MLC1: variants seen among roughly 807,000 people sequenced by gnomAD.
MLC1 encodes the protein membrane protein MLC1.
Under a neutral mutation model 44.7 loss-of-function variants are expected in MLC1, and 32 were observed. That is an observed-to-expected ratio of 0.72 (90% CI 0.54 to 0.96). The LOEUF is 0.96. Ranked by LOEUF, MLC1 falls within the 40% of genes least tolerant of loss-of-function variation. The pLI is 0.00. For synonymous variants in MLC1, 190 were observed against 213.0 expected (o/e 0.89, Z 0.94); for missense variants, 459 against 492.2 (o/e 0.93, Z 0.64).
At chr22:50,061,816 G>A (rs1303019980) in intron 11 of MLC1, among the ~76,000 whole-genome samples, 159 bp from the exon 12 acceptor site, 1 of 152,114 alleles carries the variant, frequency 6.6e-6, no homozygotes, top group Non-Finnish European at 1.5e-5. Context: ...TCTGTGGAAA[G>A]AGATAAAAGC....
At chr22:50,063,887 AGG>A in intron 11 of MLC1, 145 bp downstream of exon 11, 1 of 605,930 alleles carries the variant, frequency 1.7e-6, no homozygotes, top group Non-Finnish European at 2.3e-6. Flanking sequence ...CTCCCCCTGC[AGG>A]CCACTCACCT....
chr22:50,079,080 A>G, intron 5 of MLC1, among the ~76,000 whole-genome samples: 1 of 151,654 alleles, frequency 6.6e-6, no homozygotes, highest in East Asian at 1.9e-4. Flanking sequence ...GGTCAGGAGT[A>G]CAAGGCCAGC....
chr22:50,064,221 G>A lies in MLC1; in HGVS notation c.895-23C>T, dbSNP rs11568184. 230,332 of 1,574,750 alleles carry A rather than the reference G, an allele frequency of 0.15. 17,706 individuals are homozygous for A. Among genetic ancestry groups the A allele is most frequent in the South Asian group, 0.22 (19,247 of 88,034 alleles). ...TGGCTGCAGGCGGAAGGAGGTGTGA[G>A]CAGAGTGGCCCAGCCGCCCTCCAGC... On this transcript the variant is annotated intron_variant, in intron 10 of 11. Coordinates refer to ENST00000311597, the MANE Select transcript of MLC1 (RefSeq NM_015166.4).
intron 9 of MLC1, among the ~76,000 whole-genome samples, chr22:50,069,447 C>G (rs1466494984): frequency 1.3e-5 from 2 of 151,916 alleles, no homozygotes; most frequent in Non-Finnish European, 2.9e-5. Flanking sequence ...GAGTTCGAGA[C>G]CAGCCTGGCC....
chr22:50,077,503 C>A lies in MLC1; in HGVS notation c.424-1G>T. 1 of 1,612,746 alleles carries A rather than the reference C, an allele frequency of 6.2e-7. No individual in the cohort carries two copies. The highest frequency in any genetic ancestry group is 8.5e-7 in the Non-Finnish European group (1 of 1,179,446). The stretch of plus-strand genomic sequence containing the variant: ...GCAGCAGGATGAGGTTGAAGTTGAT[C>A]TGCCAAGGGGCACACACGCTTCAGC... On this transcript the variant is annotated splice_acceptor_variant, in intron 5 of 11. Coordinates refer to ENST00000311597, the MANE Select transcript of MLC1 (RefSeq NM_015166.4). LOFTEE classifies it high-confidence loss of function.
chr22:50,063,226 G>A (rs1166790067), intron 11 of MLC1, among the ~76,000 whole-genome samples: 1 of 152,112 alleles, frequency 6.6e-6, no homozygotes, highest in African/African-American at 2.4e-5. Context: ...TGTAATTCCA[G>A]CACTTTGGGA....
At chr22:50,080,208 TG>T in intron 4 of MLC1, 135 bp downstream of exon 4, 2 of 1,229,880 alleles carry the variant, frequency 1.6e-6, no homozygotes, top group Non-Finnish European at 2.3e-6. Flanking sequence ...CTTTACTGTC[TG>T]GGGGGCAACC....
At chr22:50,069,310 G>C (rs4311156) in intron 9 of MLC1, among the ~76,000 whole-genome samples, 18,561 of 152,086 alleles carry the variant, frequency 0.12, 1,270 homozygotes, top group South Asian at 0.23. Flanking sequence ...ACAGGCATGA[G>C]CAGCCTGCCT....
At position 50,083,119 on chromosome 22, in the gene MLC1, C is replaced by G; in HGVS notation, c.232G>C (p.Ala78Pro). 1 of 1,614,146 alleles carries G rather than the reference C, an allele frequency of 6.2e-7. No homozygotes were observed. The highest frequency in any genetic ancestry group is 8.5e-7 in the Non-Finnish European group (1 of 1,180,026). ...FSLYLGNVFP[A>P]EMDYLRCAAG... ...GCACAGCGCAAGTAATCCATCTCAG[C>G]CGGGAACACGTTCCCCAGGTACAGC... is the stretch of plus-strand genomic sequence containing the variant. The change falls in exon 3 of 12, where the codon GCT (alanine) becomes CCT (proline). Residue 78 changes from alanine to proline, a missense_variant. Physicochemically the swap from Ala to Pro is conservative, Grantham distance 27. Transcript: ENST00000311597. This position sits in a 1 kb window ranked among gnomAD's most constrained non-coding sequence, Gnocchi z 4.6.
intron 5 of MLC1, among the ~76,000 whole-genome samples, chr22:50,079,500 CTTTT>C (rs55760839): frequency 6.6e-5 from 5 of 75,820 alleles, no homozygotes; most frequent in South Asian, 5.2e-4. Flanking sequence ...GGATTTTTGT[CTTTT>C]TTTTTTTTTT....
At chr22:50,077,779 C>T (rs1451815020) in intron 5 of MLC1, among the ~76,000 whole-genome samples, 1 of 152,200 alleles carries the variant, frequency 6.6e-6, no homozygotes, top group African/African-American at 2.4e-5. Context: ...GGTCTACCGA[C>T]CCCATTCTGA....
At chr22:50,076,241 G>C (rs961749204) in intron 7 of MLC1, among the ~76,000 whole-genome samples, 1 of 152,122 alleles carries the variant, frequency 6.6e-6, no homozygotes, top group African/African-American at 2.4e-5. Context: ...AAAGTACAAG[G>C]CAAGAAAAGT....
At chr22:50,070,487 C>T (rs892073671) in intron 9 of MLC1, 40 bp downstream of exon 9, 11 of 1,541,760 alleles carry the variant, frequency 7.1e-6, no homozygotes, top group Non-Finnish European at 7.0e-6. Context: ...TGGCCCCGCT[C>T]GGTGGGTCCC....
At chr22:50,076,940 G>T (rs761437372) in intron 6 of MLC1, 28 bp from the exon 7 acceptor site, 3 of 1,613,326 alleles carry the variant, frequency 1.9e-6, no homozygotes, top group East Asian at 4.5e-5. Flanking sequence ...TGTCACCCCG[G>T]GTGCACGGGC....
chr22:50,082,198 A>G (rs866382618), intron 3 of MLC1, among the ~76,000 whole-genome samples: 2 of 90,618 alleles, frequency 2.2e-5, no homozygotes, highest in Admixed American at 1.3e-4. Flanking sequence ...CCAGAGGGGC[A>G]TGGGGTCCGC....
chr22:50,077,076 C>G (rs1330912571), intron 6 of MLC1, among the ~76,000 whole-genome samples, 164 bp from the exon 7 acceptor site: 3 of 152,242 alleles, frequency 2.0e-5, no homozygotes, highest in African/African-American at 7.2e-5. Context: ...AATGTTCACA[C>G]ACATTGTCCT....
chr22:50,059,431 CA>C lies in MLC1; in HGVS notation c.*2151del, dbSNP rs1340224170. 2 of 152,324 alleles carry C rather than the reference CA, an allele frequency of 1.3e-5. No individual in the cohort carries two copies. The highest frequency in any genetic ancestry group is 2.9e-5 in the Non-Finnish European group (2 of 68,018). 9.4% of individuals were successfully genotyped at this position (152,324 alleles called of 1,614,324 possible). On this transcript the variant is annotated 3_prime_UTR_variant, in exon 12 of 12. Transcript: ENST00000311597. Reference sequence around the variant, plus strand: ...GCGTTTATTGCTCAAGCGTATTAAACAAAAATGTAGACTGAAAGAGACAGTT... The same window carrying C: ...GCGTTTATTGCTCAAGCGTATTAAACAAAATGTAGACTGAAAGAGACAGTT...
rs571593969 is a variant in MLC1 at position 50,061,362 on chromosome 22, C to A, written c.*221G>T. ...TGCTCCTGCTGTTACGACACGGGAG[C>A]CACTCGGAGCTGACTGATCTCACTG... On this transcript the variant is annotated 3_prime_UTR_variant, in exon 12 of 12. Coordinates refer to ENST00000311597, the MANE Select transcript of MLC1 (RefSeq NM_015166.4). The A allele has an allele frequency of 3.9e-5, 23 of 590,958 alleles. No homozygotes were observed. In the East Asian group the frequency reaches 6.3e-4, roughly 16 times the overall value. 36.6% of individuals were successfully genotyped at this position (590,958 alleles called of 1,614,324 possible).
Position 50,059,906 on chromosome 22 carries a change from A to C in MLC1, c.*1677T>G, listed in dbSNP as rs2061529461. ...TTCAATGGTTGAAAATAATGATTCC[A>C]CTTGTCATGAACACCATGAAGGTAT... On this transcript the variant is annotated 3_prime_UTR_variant, in exon 12 of 12. Transcript: ENST00000311597. The C allele has an allele frequency of 6.6e-6, 1 of 152,166 alleles. No homozygotes were observed. Among genetic ancestry groups the C allele is most frequent in the Non-Finnish European group, 1.5e-5 (1 of 68,020 alleles). The allele number at this position is 152,166 out of a possible 1,614,324, so 9.4% of individuals were successfully genotyped here.
Sources: allele counts gnomAD v4.1 joint callset (sites outside exome capture counted in the v4.1 genomes callset), GRCh38; gene constraint gnomAD v4.1.1; non-coding constraint Gnocchi (gnomAD v3.1); transcripts MANE v1.5; gene names NCBI Gene and HGNC (gene_info 2026-07-23, HGNC 2026-07-21).